BCAS3: variants seen among roughly 807,000 people sequenced by gnomAD.
The protein encoded by BCAS3 is BCAS4/BCAS3 fusion.
Under a neutral mutation model 116.1 loss-of-function variants are expected in BCAS3, and 53 were observed. That is an observed-to-expected ratio of 0.46 (90% CI 0.37 to 0.57). BCAS3 has a LOEUF of 0.57. BCAS3 is among the 20% of genes least tolerant of loss of function. BCAS3 has a pLI of 0.00. For missense variants in BCAS3, 917 were observed against 1,165.4 expected (o/e 0.79, Z 3.10); for synonymous variants, 391 against 408.2 (o/e 0.96, Z 0.51).
intron 22 of BCAS3, among the ~76,000 whole-genome samples, chr17:61,266,731 T>C (rs1190233316): frequency 2.6e-5 from 4 of 152,240 alleles, no homozygotes; most frequent in South Asian, 4.1e-4. Flanking sequence ...TCTGTTGTTA[T>C]GGAGTCCATC....
intron 7 of BCAS3, 62 bp downstream of exon 7, chr17:60,808,138 G>C (rs1836278567): frequency 6.2e-6 from 7 of 1,126,740 alleles, no homozygotes; most frequent in Non-Finnish European, 9.2e-6. Context: ...TCCAGAGGGA[G>C]AACTTTGATG....
At chr17:61,192,982 C>T (rs928177756) in intron 22 of BCAS3, among the ~76,000 whole-genome samples, 6 of 152,196 alleles carry the variant, frequency 3.9e-5, no homozygotes, top group Admixed American at 2.6e-4. Flanking sequence ...AAGGACACTG[C>T]GGGGCACTGT....
Position 60,884,902 on chromosome 17 carries a change from G to GA in BCAS3, c.662-4786dup, listed in dbSNP as rs1262454871. On this transcript the variant is annotated intron_variant, in intron 9 of 23. Transcript: ENST00000407086. ...TGTGGAATAGGTGTGGTGTGGTGCT[G>GA]AAAAAAATGTATATTCTGTTGATTT... Among the ~76,000 whole-genome samples the GA allele has an allele frequency of 1.8e-3, 225 of 123,790 alleles. 5 individuals are homozygous for GA. In the East Asian group the frequency reaches 0.023, roughly 13 times the overall value. The allele number at this position is 123,790 out of a possible 152,430, so 81.2% of individuals were successfully genotyped here.
chr17:60,770,103 G>A (rs968203782), intron 6 of BCAS3, among the ~76,000 whole-genome samples: 6 of 152,090 alleles, frequency 3.9e-5, no homozygotes, highest in African/African-American at 1.4e-4. Context: ...GTGCCAAGCT[G>A]CAGCTGTTCA....
At chr17:60,894,611 C>T (rs552351212) in intron 10 of BCAS3, among the ~76,000 whole-genome samples, 95 of 152,226 alleles carry the variant, frequency 6.2e-4, no homozygotes, top group African/African-American at 2.2e-3. Context: ...GTGTCGAATA[C>T]GAGTGGTGAA....
intron 3 of BCAS3, 137 bp downstream of exon 3, chr17:60,684,173 G>C: frequency 2.8e-6 from 2 of 722,044 alleles, no homozygotes; most frequent in South Asian, 3.5e-5. Flanking sequence ...TTCGTAGGGT[G>C]GGACTACATT....
rs551039364 is a variant in BCAS3 at position 61,347,297 on chromosome 17, G to C, written c.2426-21030G>C. ...GGGTTACACCGTGTTGGCCAGGCTG[G>C]TCTCGATATGCTGACCTCAGGTGAT... On this transcript the variant is annotated intron_variant, in intron 22 of 23. Transcript: ENST00000407086. This position sits in a 1 kb window ranked among gnomAD's most constrained non-coding sequence, Gnocchi z 4.3. Among the ~76,000 whole-genome samples, 1 of 152,152 alleles carries C rather than the reference G, an allele frequency of 6.6e-6. No individual in the cohort carries two copies. Among genetic ancestry groups the C allele is most frequent in the East Asian group, 1.9e-4 (1 of 5,178 alleles).
intron 5 of BCAS3, among the ~76,000 whole-genome samples, chr17:60,717,319 G>A: frequency 6.6e-6 from 1 of 151,222 alleles, no homozygotes; most frequent in South Asian, 2.1e-4. Flanking sequence ...AGGTTCAAGC[G>A]ATTCTCCTGC....
rs1254481637 is a variant in BCAS3, at chr17:61,315,099, C to T, written c.2426-53228C>T. ...AGTCTCCTCCACACGCCACACTGCT[C>T]AGCCTACACTCCCTTTTCTTTTTCT... On this transcript the variant is annotated intron_variant, in intron 22 of 23. Coordinates refer to ENST00000407086, the MANE Select transcript of BCAS3 (RefSeq NM_017679.5). This position sits in a 1 kb window ranked among gnomAD's most constrained non-coding sequence, Gnocchi z 5.3. Among the ~76,000 whole-genome samples, 1 of 152,016 alleles carries T rather than the reference C, an allele frequency of 6.6e-6. No homozygotes were observed. The highest frequency in any genetic ancestry group is 6.5e-5 in the Admixed American group (1 of 15,272).
intron 14 of BCAS3, among the ~76,000 whole-genome samples, chr17:60,969,874 A>G (rs916463220): frequency 1.3e-5 from 2 of 152,354 alleles, no homozygotes; most frequent in Admixed American, 1.3e-4. Flanking sequence ...AGACAGTGGA[A>G]TAACATGTCT....
rs73993715 is a variant in BCAS3 at position 61,187,901 on chromosome 17, A to G, written c.2425+103337A>G. ...TGCCAAATTAATCTTGCCCAATTTT[A>G]GAAGAATTTCTCCTTTCCAATCTGC... On this transcript the variant is annotated intron_variant, in intron 22 of 23. Transcript: ENST00000407086. 8.7e-4 allele frequency among the ~76,000 whole-genome samples: 133 copies of G among 152,074 alleles called. 1 individual carries two copies. The highest frequency in any genetic ancestry group is 3.1e-3 in the African/African-American group (128 of 41,484).
chr17:61,175,799 T>G (rs1601733186), intron 22 of BCAS3, among the ~76,000 whole-genome samples: 1 of 151,984 alleles, frequency 6.6e-6, no homozygotes, highest in South Asian at 2.1e-4. Context: ...TATAAAAAGC[T>G]CAGAACTCAA....
intron 22 of BCAS3, among the ~76,000 whole-genome samples, chr17:61,320,109 C>T (rs879898071): frequency 6.6e-5 from 10 of 151,662 alleles, no homozygotes; most frequent in Admixed American, 3.3e-4. Flanking sequence ...AGGCTGGTCT[C>T]GAAGTCCTGC....
In BCAS3 at chr17:60,870,743, C is replaced by T. The variant is rs1358137093; in HGVS notation, c.584+2060C>T. On this transcript the variant is annotated intron_variant, in intron 8 of 23. Coordinates refer to ENST00000407086, the MANE Select transcript of BCAS3 (RefSeq NM_017679.5). The stretch of plus-strand genomic sequence containing the variant: ...ATAGACATGTGACTTATAAAGGTTC[C>T]GCTGCAGGTAAGTTTTTTCAATAAA... 3.9e-5 allele frequency among the ~76,000 whole-genome samples: 6 copies of T among 152,180 alleles called. No homozygotes were observed. In the East Asian group the frequency reaches 5.8e-4, roughly 15 times the overall value.
intron 22 of BCAS3, among the ~76,000 whole-genome samples, chr17:61,164,533 A>G (rs182330591): frequency 4.6e-5 from 7 of 152,274 alleles, no homozygotes; most frequent in Admixed American, 4.6e-4. Flanking sequence ...CACCCCCATG[A>G]ATGAATTAAT....
chr17:61,059,579 A>G (rs546094975), intron 19 of BCAS3, among the ~76,000 whole-genome samples: 1 of 152,288 alleles, frequency 6.6e-6, no homozygotes, highest in East Asian at 1.9e-4. Context: ...GCTTCTCATG[A>G]TTCCACCTAC....
At chr17:60,968,409 G>A (rs982561021) in intron 14 of BCAS3, among the ~76,000 whole-genome samples, 1 of 151,978 alleles carries the variant, frequency 6.6e-6, no homozygotes, top group African/African-American at 2.4e-5. Flanking sequence ...TTTTGTTGTT[G>A]TTGTTAGAGA....
Position 61,348,314 on chromosome 17 carries a change from A to G in BCAS3, c.2426-20013A>G, listed in dbSNP as rs1355473879. ...AAGTTAGGTCATGAATTTGTTTGGG[A>G]GATGTTGAGTTGGAGGTGCCTGTGG... On this transcript the variant is annotated intron_variant, in intron 22 of 23. Transcript: ENST00000407086. The surrounding 1 kb of genome is among the most constrained non-coding windows in gnomAD (Gnocchi z 4.5). Among the ~76,000 whole-genome samples, 1 of 152,040 alleles carries G rather than the reference A, an allele frequency of 6.6e-6. No homozygotes were observed. The highest frequency in any genetic ancestry group is 1.5e-5 in the Non-Finnish European group (1 of 68,004).
rs190803490 is a variant in BCAS3 at position 60,843,057 on chromosome 17, A to G, written c.477-25519A>G. 1.5e-4 allele frequency among the ~76,000 whole-genome samples: 22 copies of G among 151,556 alleles called. No individual in the cohort carries two copies. The East Asian group carries it at 4.3e-3, about 29-fold the overall frequency. On this transcript the variant is annotated intron_variant, in intron 7 of 23. Transcript: ENST00000407086. ...CAGCTAATTTTTAACATTTTTTTAT[A>G]GAGAGAGGGTCTTGCTACGCTACTA...
Sources: allele counts gnomAD v4.1 joint callset (sites outside exome capture counted in the v4.1 genomes callset), GRCh38; gene constraint gnomAD v4.1.1; non-coding constraint Gnocchi (gnomAD v3.1); transcripts MANE v1.5; gene names NCBI Gene and HGNC (gene_info 2026-07-23, HGNC 2026-07-21).